Variants in SSX7 observed in about 807,000 individuals in gnomAD.
SSX7 encodes the protein SSX family member 7.
SSX7 carries 15 observed loss-of-function variants against 14.7 expected under a neutral mutation model. That is an observed-to-expected ratio of 1.02 (90% CI 0.68 to 1.58). The LOEUF is 1.58. Among genes scored for constraint, SSX7 ranks in the 40% most tolerant of loss-of-function variants. SSX7 has a pLI of 0.00. For synonymous variants in SSX7, 46 were observed against 50.6 expected, an observed-to-expected ratio of 0.91 and a Z score of 0.38; for missense variants, 178 against 146.8, an observed-to-expected ratio of 1.21 and a Z score of -1.10.
At chrX:52,646,189 G>T (rs1206243866) in intron 6 of SSX7, among the ~76,000 whole-genome samples, 2 of 111,057 alleles carry the variant, frequency 1.8e-5, no homozygotes, top group East Asian at 2.8e-4. Flanking sequence ...TCAGCCTCCC[G>T]AGTAGCTGGG....
chrX:52,647,934 C>G (rs1280149801), intron 6 of SSX7, among the ~76,000 whole-genome samples: 1 of 111,990 alleles, frequency 8.9e-6, no homozygotes, highest in African/African-American at 3.2e-5. Context: ...ATCGCTTGAG[C>G]ACCTTTCATG....
chrX:52,644,630 C>T lies in SSX7; in HGVS notation c.*45G>A, dbSNP rs1227257111. On this transcript the variant is annotated 3_prime_UTR_variant, in exon 8 of 8. Transcript: ENST00000298181. ...TGCCCATGTTCGTGAAAGGTCACCA[C>T]GTTCTGCTTCTCATCATGGGCATAT... is the stretch of plus-strand genomic sequence containing the variant. 25 of 1,193,963 alleles carry T rather than the reference C, an allele frequency of 2.1e-5. No homozygotes were observed. Among genetic ancestry groups the T allele is most frequent in the Middle Eastern group, 3.2e-4 (1 of 3,121 alleles).
intron 2 of SSX7, 185 bp downstream of exon 2, chrX:52,653,219 G>A (rs1312353337): frequency 2.8e-5 from 21 of 751,945 alleles, no homozygotes; most frequent in Non-Finnish European, 3.3e-5. Flanking sequence ...TGTAGTGCAC[G>A]GTCACAGACT....
chrX:52,652,467 T>C (rs1195657880), intron 3 of SSX7, 120 bp from the exon 4 acceptor site: 1 of 542,642 alleles, frequency 1.8e-6, no homozygotes, highest in Non-Finnish European at 3.2e-6. Flanking sequence ...AGGCCAGGAG[T>C]TCAAGGCTGC....
At chrX:52,647,728 G>A (rs782118996) in intron 6 of SSX7, among the ~76,000 whole-genome samples, 24 of 111,642 alleles carry the variant, frequency 2.1e-4, no homozygotes, top group Non-Finnish European at 4.1e-4. Context: ...TAGACATAAT[G>A]CTATTGCACT....
At chrX:52,644,873 G>C (rs1378100366) in intron 7 of SSX7, among the ~76,000 whole-genome samples, 1 of 111,268 alleles carries the variant, frequency 9.0e-6, no homozygotes, top group African/African-American at 3.3e-5. Context: ...CCATTCCTAG[G>C]CTAGAGGAAG....
chrX:52,653,298 A>G, intron 2 of SSX7, 106 bp downstream of exon 2: 1 of 1,207,982 alleles, frequency 8.3e-7, no homozygotes, highest in Non-Finnish European at 1.1e-6. Flanking sequence ...ATCTCCCCCA[A>G]GACCCTGGTC....
intron 6 of SSX7, among the ~76,000 whole-genome samples, chrX:52,646,477 T>C (rs782068045): frequency 8.8e-6 from 1 of 113,019 alleles, no homozygotes; most frequent in East Asian, 2.8e-4. Flanking sequence ...AGGGTATCCA[T>C]CCCTTCAACC....
chrX:52,648,274 A>G lies in SSX7; in HGVS notation c.453T>C (p.Ile151=). 8.3e-7 allele frequency: 1 copy of G among 1,208,404 alleles called. No homozygotes were observed. Among genetic ancestry groups the G allele is most frequent in the Non-Finnish European group, 1.1e-6 (1 of 894,598 alleles). ...PPGKPSTSEK[I]NKTSGPKRGK... is the part of the protein sequence containing the mutation. ...CTTTCCTCTTACCGGATGTCTTGTT[A>G]ATCTTCTCAGAGGTACTTGGTTTTC... Residue 151 remains isoleucine, a synonymous_variant, in exon 6 of 8, where the codon ATT becomes ATC. Transcript: ENST00000298181.
chrX:52,648,876 G>A (rs782583486), intron 5 of SSX7, among the ~76,000 whole-genome samples: 3 of 111,278 alleles, frequency 2.7e-5, no homozygotes, highest in Non-Finnish European at 5.7e-5. Flanking sequence ...GAAATGGTTT[G>A]CTAAAATTAA....
intron 5 of SSX7, among the ~76,000 whole-genome samples, chrX:52,649,030 T>C (rs1308498840): frequency 1.0e-4 from 11 of 108,610 alleles, no homozygotes; most frequent in African/African-American, 3.7e-4. Flanking sequence ...TTAAGCTACT[T>C]TTTTTTTTGT....
In SSX7 at chrX:52,652,320, A is replaced by C. The variant is rs782410496; in HGVS notation, c.212T>G (p.Met71Arg). ...GAGGTCTGTGGCCCCTGTATTATGC[A>C]TGAAAGGTGGGAGGGTGGCCTTGAA... Reference protein sequence around the residue: ...LGFKATLPPFMHNTGATDLQG... With the variant: ...LGFKATLPPFRHNTGATDLQG... The change falls in exon 4 of 8, where the codon ATG becomes AGG. Residue 71 changes from methionine (M) to arginine (R), a missense_variant. Transcript: ENST00000298181. The C allele has an allele frequency of 3.3e-6, 4 of 1,205,765 alleles. No individual in the cohort carries two copies. The East Asian group carries it at 1.2e-4, about 36-fold the overall frequency.
rs782076500 is a variant in SSX7 at position 52,645,433 on chromosome X, A to T, written c.*4+6T>A. 7.5e-6 allele frequency: 9 copies of T among 1,198,279 alleles called. No homozygotes were observed. Among genetic ancestry groups the T allele is most frequent in the South Asian group, 3.6e-5 (2 of 55,550 alleles). On this transcript the variant is annotated splice_donor_region_variant and intron_variant, in intron 7 of 7. Transcript: ENST00000298181. ...GATGTGGGGGATGAGCCGAAGGTTC[A>T]CTTACGGAGTTACTCGTCGTCTTCT...
Position 52,648,188 on chromosome X carries a change from C to T in SSX7, c.466+73G>A, listed in dbSNP as rs1925310038. ...ACCCAGGCTTGTCTGGGGTCCATGC[C>T]ACACACCCAGTCCACACACCTGAAC... On this transcript the variant is annotated intron_variant, in intron 6 of 7. Coordinates refer to ENST00000298181, the MANE Select transcript of SSX7 (RefSeq NM_173358.2). The T allele has an allele frequency of 5.2e-6, 6 of 1,163,621 alleles. No homozygotes were observed. The Admixed American group carries it at 1.5e-4, about 29-fold the overall frequency.
intron 4 of SSX7, among the ~76,000 whole-genome samples, chrX:52,650,981 T>A (rs1344500239): frequency 8.0e-5 from 9 of 112,291 alleles, no homozygotes; most frequent in African/African-American, 2.9e-4. Flanking sequence ...GGAGACAGTT[T>A]GGACGTTCTG....
chrX:52,648,437 A>T, intron 5 of SSX7, 41 bp from the exon 6 acceptor site: 1 of 1,204,159 alleles, frequency 8.3e-7, no homozygotes, highest in Non-Finnish European at 1.1e-6. Flanking sequence ...AATCAGTGAC[A>T]TTTCTATAGT....
intron 4 of SSX7, among the ~76,000 whole-genome samples, chrX:52,651,208 G>T (rs1458342740): frequency 7.2e-5 from 8 of 111,652 alleles, no homozygotes; most frequent in Non-Finnish European, 1.3e-4. Context: ...CGGAGAATCA[G>T]GGTTCTTTGG....
rs782450684 is a variant in SSX7 at position 52,652,245 on chromosome X, T to C, written c.280+7A>G. Reference sequence around the variant, plus strand: ...AGACCCTTTCCAGCCCCTTCCCGTCTACTCACCCTGATTCCCTTGGTTACG... The same window carrying C: ...AGACCCTTTCCAGCCCCTTCCCGTCCACTCACCCTGATTCCCTTGGTTACG... On this transcript the variant is annotated splice_region_variant and intron_variant, in intron 4 of 7. Coordinates refer to ENST00000298181, the MANE Select transcript of SSX7 (RefSeq NM_173358.2). The C allele has an allele frequency of 4.2e-6, 5 of 1,190,277 alleles. No homozygotes were observed. The African/African-American group carries it at 8.9e-5, about 21-fold the overall frequency.
At chrX:52,647,926 C>T (rs1207764076) in intron 6 of SSX7, among the ~76,000 whole-genome samples, 1 of 111,928 alleles carries the variant, frequency 8.9e-6, no homozygotes, top group African/African-American at 3.2e-5. Flanking sequence ...AAGATAGAAT[C>T]GCTTGAGCAC....
Sources: gnomAD v4.1 joint callset for allele counts (sites outside exome capture counted in the v4.1 genomes callset) on GRCh38, gnomAD v4.1.1 for gene constraint, MANE v1.5 for transcripts, NCBI Gene and HGNC (gene_info 2026-07-23, HGNC 2026-07-21) for gene names.